The following DRD2 variants were observed in gnomAD, a reference collection of about 807,000 sequenced individuals.
DRD2 encodes the protein dopamine receptor D2, also known as D(2) dopamine receptor.
Under a neutral mutation model 38.0 loss-of-function variants are expected in DRD2, and 8 were observed. The observed-to-expected ratio is 0.21, with a 90% CI of 0.12 to 0.38. The LOEUF is 0.38. DRD2 is among the 10% of genes least tolerant of loss of function. The pLI is 1.00. For synonymous variants in DRD2, 230 were observed against 238.6 expected, an observed-to-expected ratio of 0.96 and a Z score of 0.33; for missense variants, 403 against 607.7, an observed-to-expected ratio of 0.66 and a Z score of 3.54.
chr11:113,443,853 T>C (rs1009493598), intron 1 of DRD2, among the ~76,000 whole-genome samples: 5 of 152,064 alleles, frequency 3.3e-5, no homozygotes, highest in African/African-American at 1.2e-4. Context: ...AATATGCAAA[T>C]GAGATAACTG....
rs529185359 is a variant in DRD2, at chr11:113,428,916, G to A, written c.-31-4234C>T. Among the ~76,000 whole-genome samples the A allele has an allele frequency of 3.3e-5, 5 of 152,132 alleles. No homozygotes were observed. The East Asian group carries it at 9.7e-4, about 30-fold the overall frequency. On this transcript the variant is annotated intron_variant, in intron 1 of 7. Coordinates refer to ENST00000362072, the MANE Select transcript of DRD2 (RefSeq NM_000795.4). ...TGCTGGGATTACAGGCACTAGTCTAGGATTTAAAATTATGAGTACAATGTA... is the reference window on the plus strand; with the variant it reads ...TGCTGGGATTACAGGCACTAGTCTAAGATTTAAAATTATGAGTACAATGTA...
chr11:113,471,138 G>T (rs1171003931), intron 1 of DRD2, among the ~76,000 whole-genome samples: 1 of 152,172 alleles, frequency 6.6e-6, no homozygotes, highest in Non-Finnish European at 1.5e-5. Flanking sequence ...CCCATGTGCT[G>T]ACACTATAAT....
chr11:113,437,990 A>C (rs1951054799), intron 1 of DRD2, among the ~76,000 whole-genome samples: 1 of 152,102 alleles, frequency 6.6e-6, no homozygotes, highest in Non-Finnish European at 1.5e-5. Context: ...TGCCTCTCCC[A>C]GTTGATGGAA....
Position 113,430,347 on chromosome 11 carries a change from A to T in DRD2, c.-31-5665T>A, listed in dbSNP as rs2471851. On this transcript the variant is annotated intron_variant, in intron 1 of 7. Transcript: ENST00000362072. ...TAGACTCTAAGACAAAATCGAATGA[A>T]GATGCACCACTATTTTATATATCAC... 2.0e-5 allele frequency among the ~76,000 whole-genome samples: 3 copies of T among 152,226 alleles called. No homozygotes were observed. The South Asian group carries it at 6.2e-4, about 32-fold the overall frequency.
chr11:113,420,086 A>G (rs1249954470), intron 2 of DRD2, among the ~76,000 whole-genome samples: 1 of 152,180 alleles, frequency 6.6e-6, no homozygotes, highest in Non-Finnish European at 1.5e-5. Flanking sequence ...CACTGGGCAG[A>G]AAACCAGCAC....
At chr11:113,457,580 C>A (rs1000275641) in intron 1 of DRD2, among the ~76,000 whole-genome samples, 2 of 152,120 alleles carry the variant, frequency 1.3e-5, no homozygotes, top group African/African-American at 4.8e-5. Flanking sequence ...TTACCACCCC[C>A]CCGACCCCCC....
At position 113,412,430 on chromosome 11, in the gene DRD2, A is replaced by C. The variant is rs576452354; in HGVS notation, c.1138+126T>G. 2.1e-5 allele frequency: 25 copies of C among 1,198,512 alleles called. No homozygotes were observed. The East Asian group carries it at 6.3e-4, about 30-fold the overall frequency. The allele number at this position is 1,198,512 out of a possible 1,614,324, so 74.2% of individuals were successfully genotyped here. On this transcript the variant is annotated intron_variant, in intron 7 of 7. Coordinates refer to ENST00000362072, the MANE Select transcript of DRD2 (RefSeq NM_000795.4). ...TACCTAATAGGGCTGTCTGTATGTC[A>C]ATGGGCTTGGCCTGTGCCTGAGGAA...
chr11:113,455,338 G>A (rs1182283750), intron 1 of DRD2, among the ~76,000 whole-genome samples: 1 of 151,994 alleles, frequency 6.6e-6, no homozygotes, highest in Non-Finnish European at 1.5e-5. Context: ...CTCCAGCCTG[G>A]GTGACAGAGC....
chr11:113,452,963 T>C (rs1951231001), intron 1 of DRD2, among the ~76,000 whole-genome samples: 1 of 152,114 alleles, frequency 6.6e-6, no homozygotes, highest in African/African-American at 2.4e-5. Flanking sequence ...CTATCCCTTT[T>C]TGCCTATAGT....
At chr11:113,438,199 T>G (rs1268884141) in intron 1 of DRD2, among the ~76,000 whole-genome samples, 1 of 152,114 alleles carries the variant, frequency 6.6e-6, no homozygotes, top group Non-Finnish European at 1.5e-5. Context: ...TTATTGTTTT[T>G]TTTTTAATCA....
intron 1 of DRD2, among the ~76,000 whole-genome samples, chr11:113,441,596 G>A (rs916281112): frequency 1.2e-4 from 18 of 152,152 alleles, no homozygotes; most frequent in Admixed American, 5.2e-4. Context: ...AGCTGGGGTC[G>A]TCCAGATAGT....
intron 1 of DRD2, among the ~76,000 whole-genome samples, chr11:113,433,466 T>C (rs1170534856): frequency 1.3e-5 from 2 of 152,130 alleles, no homozygotes; most frequent in Non-Finnish European, 2.9e-5. Flanking sequence ...TGGCCTGGAC[T>C]ACCATTTGGG....
At chr11:113,470,348 T>C (rs538075794) in intron 1 of DRD2, among the ~76,000 whole-genome samples, 34 of 152,238 alleles carry the variant, frequency 2.2e-4, no homozygotes, top group African/African-American at 7.9e-4. Context: ...CAGGGGATTA[T>C]CGTTGGGGCC....
At chr11:113,422,572 G>A (rs1950896186) in intron 2 of DRD2, among the ~76,000 whole-genome samples, 1 of 152,154 alleles carries the variant, frequency 6.6e-6, no homozygotes, top group Non-Finnish European at 1.5e-5. Flanking sequence ...AGGGGGAATT[G>A]GACTCCTGGC....
At chr11:113,444,382 G>T (rs1407423023) in intron 1 of DRD2, among the ~76,000 whole-genome samples, 1 of 152,132 alleles carries the variant, frequency 6.6e-6, no homozygotes, top group African/African-American at 2.4e-5. Context: ...CAGAACGTTT[G>T]GTAAATGAAT....
intron 1 of DRD2, among the ~76,000 whole-genome samples, chr11:113,441,984 C>T (rs1323622509): frequency 6.6e-6 from 1 of 151,446 alleles, no homozygotes; most frequent in Non-Finnish European, 1.5e-5. Context: ...CACGCTTGTT[C>T]CCCACATCCC....
chr11:113,448,391 C>T (rs1044742333), intron 1 of DRD2, among the ~76,000 whole-genome samples: 18 of 152,112 alleles, frequency 1.2e-4, no homozygotes, highest in Non-Finnish European at 1.6e-4. Flanking sequence ...CCTCAAGCTC[C>T]GGGGGAACTC....
intron 2 of DRD2, among the ~76,000 whole-genome samples, chr11:113,421,863 T>C (rs997698772): frequency 1.3e-5 from 2 of 152,164 alleles, no homozygotes; most frequent in East Asian, 1.9e-4. Flanking sequence ...CAGCTCTAGT[T>C]TGATGAGATG....
intron 4 of DRD2, among the ~76,000 whole-genome samples, chr11:113,416,040 T>TGTTGCAGCAAGATAACTTGGTTCAACAA (rs1950822508): frequency 1.3e-5 from 2 of 152,240 alleles, no homozygotes; most frequent in African/African-American, 4.8e-5. Flanking sequence ...AACTTGGCTC[T>TGTTGCAGCAAGATAACTTGGTTCAACAA]GTCTGTTGAA....
Sources: allele counts gnomAD v4.1 joint callset (sites outside exome capture counted in the v4.1 genomes callset), GRCh38; gene constraint gnomAD v4.1.1; transcripts MANE v1.5; gene names NCBI Gene and HGNC (gene_info 2026-07-23, HGNC 2026-07-21).